EPB41L4A: variants seen among roughly 807,000 people sequenced by gnomAD.
The protein encoded by EPB41L4A is erythrocyte membrane protein band 4.1 like 4A.
In EPB41L4A, 100 loss-of-function variants were observed where a neutral mutation model predicts 108.6. That is an observed-to-expected ratio of 0.92 (90% CI 0.78 to 1.09). The LOEUF is 1.09. EPB41L4A is among the 50% of genes least tolerant of loss of function. The pLI, the probability that EPB41L4A is intolerant of heterozygous loss-of-function variation, is 0.00. For synonymous variants in EPB41L4A, 319 were observed against 289.0 expected, an observed-to-expected ratio of 1.10 and a Z score of -1.05; for missense variants, 1,030 against 842.7, an observed-to-expected ratio of 1.22 and a Z score of -2.75.
intron 12 of EPB41L4A, among the ~76,000 whole-genome samples, chr5:112,148,286 T>G (rs1270635321): frequency 6.6e-6 from 1 of 150,388 alleles, no homozygotes; most frequent in Non-Finnish European, 1.5e-5. Flanking sequence ...TTCATGTTTC[T>G]CTTTTGTGAA....
intron 13 of EPB41L4A, among the ~76,000 whole-genome samples, chr5:112,144,506 G>A (rs1041670420): frequency 1.3e-5 from 2 of 152,038 alleles, no homozygotes; most frequent in African/African-American, 4.8e-5. Flanking sequence ...TGAACTCCTG[G>A]GCCCAAGCAA....
At chr5:112,170,451 C>A in intron 19 of EPB41L4A, 82 bp from the exon 20 acceptor site, 1 of 901,896 alleles carries the variant, frequency 1.1e-6, no homozygotes, top group East Asian at 2.5e-5. Context: ...GGTGAGTTTT[C>A]CCTTTCTAAT....
At chr5:112,390,526 G>T (rs1489684027) in intron 1 of EPB41L4A, among the ~76,000 whole-genome samples, 1 of 152,142 alleles carries the variant, frequency 6.6e-6, no homozygotes, top group African/African-American at 2.4e-5. Flanking sequence ...GCTTGAGTAG[G>T]TAAATAAAGC....
At chr5:112,386,772 T>C (rs1039089842) in intron 1 of EPB41L4A, among the ~76,000 whole-genome samples, 1 of 152,206 alleles carries the variant, frequency 6.6e-6, no homozygotes, top group African/African-American at 2.4e-5. Flanking sequence ...AGAAAGATAC[T>C]ATATACATGA....
chr5:112,240,775 A>T lies in EPB41L4A; in HGVS notation c.831T>A (p.Ser277Arg). The T allele has an allele frequency of 6.3e-7, 1 of 1,590,662 alleles. No individual in the cohort carries two copies. Residue 277 changes from serine to arginine, a missense_variant, in exon 10 of 23, where the codon AGT (serine) becomes AGA (arginine). Ser to Arg is a moderately radical substitution (Grantham distance 110). Transcript: ENST00000261486. Reference sequence around the variant, plus strand: ...TCCAGAGGTGCTTGCAAGCAGTTTTACTCCGAGCTTCAAAAAAGAATGAGG... The same window carrying T: ...TCCAGAGGTGCTTGCAAGCAGTTTTTCTCCGAGCTTCAAAAAAGAATGAGG... ...NETSFFFEAR[S>R]KTACKHLWKC...
chr5:112,301,099 G>C (rs1016982034), intron 2 of EPB41L4A, among the ~76,000 whole-genome samples: 1 of 150,892 alleles, frequency 6.6e-6, no homozygotes, highest in Non-Finnish European at 1.5e-5. Flanking sequence ...CCTTTCTCTG[G>C]TGCCTCCTTA....
intron 1 of EPB41L4A, among the ~76,000 whole-genome samples, chr5:112,333,822 C>T (rs1318458245): frequency 6.6e-6 from 1 of 152,200 alleles, no homozygotes; most frequent in African/African-American, 2.4e-5. Flanking sequence ...TCTATGTTCA[C>T]ACTTGATACT....
intron 11 of EPB41L4A, 26 bp from the exon 12 acceptor site, chr5:112,234,781 C>G (rs560176453): frequency 1.2e-6 from 2 of 1,601,010 alleles, no homozygotes; most frequent in South Asian, 1.1e-5. Flanking sequence ...TTTTGATTAG[C>G]AAAGGTAAAA....
chr5:112,407,587 T>C (rs763562606), intron 1 of EPB41L4A, among the ~76,000 whole-genome samples: 42 of 152,336 alleles, frequency 2.8e-4, no homozygotes, highest in Non-Finnish European at 5.3e-4. Context: ...TTAAATGACA[T>C]TAACATCTTC....
intron 22 of EPB41L4A, 143 bp downstream of exon 22, chr5:112,168,596 C>A: frequency 1.5e-6 from 1 of 650,020 alleles, no homozygotes; most frequent in Non-Finnish European, 2.7e-6. Flanking sequence ...GATTTCTCCA[C>A]GTTCTTTTAA....
At chr5:112,378,146 T>C (rs1287357797) in intron 1 of EPB41L4A, among the ~76,000 whole-genome samples, 1 of 151,414 alleles carries the variant, frequency 6.6e-6, no homozygotes, top group Non-Finnish European at 1.5e-5. Context: ...TATCCTAAAT[T>C]GAAAGCTCTC....
chr5:112,251,316 TAC>T (rs1383847123), intron 9 of EPB41L4A, among the ~76,000 whole-genome samples: 2 of 152,026 alleles, frequency 1.3e-5, no homozygotes, highest in Admixed American at 1.3e-4. Flanking sequence ...CAAAAACACA[TAC>T]ACACAAAATT....
chr5:112,413,337 T>C (rs1358196428), intron 1 of EPB41L4A, among the ~76,000 whole-genome samples: 1 of 152,240 alleles, frequency 6.6e-6, no homozygotes, highest in East Asian at 1.9e-4. Flanking sequence ...TTAGAGTATC[T>C]TGACAACAGA....
intron 11 of EPB41L4A, among the ~76,000 whole-genome samples, chr5:112,237,000 G>A (rs6878423): frequency 0.3 from 45,831 of 152,040 alleles, 7,642 homozygotes; most frequent in Non-Finnish European, 0.38. Flanking sequence ...CCTGTGAGTT[G>A]AGTCCTACAG....
chr5:112,391,508 A>T (rs1760938215), intron 1 of EPB41L4A, among the ~76,000 whole-genome samples: 1 of 152,128 alleles, frequency 6.6e-6, no homozygotes, highest in Non-Finnish European at 1.5e-5. Context: ...TAATGAAATG[A>T]AACAAGAACA....
At chr5:112,221,911 T>C (rs1748079382) in intron 12 of EPB41L4A, among the ~76,000 whole-genome samples, 1 of 152,228 alleles carries the variant, frequency 6.6e-6, no homozygotes, top group Admixed American at 6.5e-5. Context: ...AGACTCGCCA[T>C]ACATTAATAA....
At chr5:112,308,107 C>G (rs1353617591) in intron 1 of EPB41L4A, among the ~76,000 whole-genome samples, 1 of 152,142 alleles carries the variant, frequency 6.6e-6, no homozygotes, top group Non-Finnish European at 1.5e-5. Context: ...ACCTAAAAAG[C>G]TAATCTCTTC....
chr5:112,334,438 A>G (rs1019346156), intron 1 of EPB41L4A, among the ~76,000 whole-genome samples: 13 of 152,144 alleles, frequency 8.5e-5, no homozygotes, highest in African/African-American at 3.1e-4. Context: ...TTTGCCATCT[A>G]TTGCCTCTAA....
intron 1 of EPB41L4A, among the ~76,000 whole-genome samples, chr5:112,346,412 TG>T (rs551241280): frequency 6.6e-6 from 1 of 151,690 alleles, no homozygotes; most frequent in Non-Finnish European, 1.5e-5. Flanking sequence ...TTAGTAGAGA[TG>T]GGGTTTCACC....
Sources: allele counts gnomAD v4.1 joint callset (sites outside exome capture counted in the v4.1 genomes callset), GRCh38; gene constraint gnomAD v4.1.1; transcripts MANE v1.5; gene names NCBI Gene and HGNC (gene_info 2026-07-23, HGNC 2026-07-21).